The following MYEF2 variants were observed in gnomAD, a reference collection of about 807,000 sequenced individuals.
The protein encoded by MYEF2 is myelin gene expression factor 2.
Under a neutral mutation model 75.2 loss-of-function variants are expected in MYEF2, and 37 were observed. The ratio of observed to expected loss-of-function variants is 0.49; its 90% CI spans 0.38 to 0.65. The LOEUF is 0.65. MYEF2 is among the 30% of genes least tolerant of loss of function. MYEF2 has a pLI of 0.00. For synonymous variants in MYEF2, 195 were observed against 241.6 expected, an observed-to-expected ratio of 0.81 and a Z score of 1.79; for missense variants, 634 against 771.4, an observed-to-expected ratio of 0.82 and a Z score of 2.11.
At chr15:48,151,005 G>A (rs951230897) in intron 14 of MYEF2, 95 bp downstream of exon 14, 5 of 737,342 alleles carry the variant, frequency 6.8e-6, no homozygotes, top group African/African-American at 5.5e-5. Context: ...TAACGTATAA[G>A]AACAAAGTAT....
Position 48,136,686 on chromosome 15 carries a change from T to A in MYEF2, c.*6222A>T, listed in dbSNP as rs199825911. 1.3e-5 allele frequency: 21 copies of A among 1,600,134 alleles called. No individual in the cohort carries two copies. Among genetic ancestry groups the A allele is most frequent in the Non-Finnish European group, 1.5e-5 (18 of 1,172,686 alleles). On this transcript the variant is annotated 3_prime_UTR_variant, in exon 17 of 17. Coordinates refer to ENST00000324324, the MANE Select transcript of MYEF2 (RefSeq NM_016132.5). The stretch of plus-strand genomic sequence containing the variant: ...AACACAAATTTCTCTTTTGTAGGTA[T>A]GAAGGGGCTTTACTGCTTTTGATAT...
intron 9 of MYEF2, 193 bp from the exon 10 acceptor site, chr15:48,154,086 T>G: frequency 2.0e-6 from 1 of 492,718 alleles, no homozygotes; most frequent in Non-Finnish European, 3.6e-6. Flanking sequence ...CATTTATTAA[T>G]GAGAAGTGTT....
intron 12 of MYEF2, 109 bp from the exon 13 acceptor site, chr15:48,151,680 A>T: frequency 8.1e-7 from 1 of 1,231,590 alleles, no homozygotes; most frequent in Non-Finnish European, 1.2e-6. Context: ...CAAATATAAA[A>T]TAGTCTGTCA....
rs997121383 is a variant in MYEF2, at chr15:48,139,416, T to C, written c.*3492A>G. The C allele has an allele frequency of 3.0e-6, 1 of 331,192 alleles. No homozygotes were observed. The allele number at this position is 331,192 out of a possible 1,614,324, so 20.5% of individuals were successfully genotyped here. A position where few individuals can be genotyped will look rare whatever the true frequency, so the allele number is the denominator to read the frequency against. Reference sequence around the variant, plus strand: ...GCCTGGGGTACAATTCAAGAGATCTTATAAATGAAATCAAATTCATAGGAT... The same window carrying C: ...GCCTGGGGTACAATTCAAGAGATCTCATAAATGAAATCAAATTCATAGGAT... On this transcript the variant is annotated 3_prime_UTR_variant, in exon 17 of 17. Coordinates refer to ENST00000324324, the MANE Select transcript of MYEF2 (RefSeq NM_016132.5).
intron 5 of MYEF2, among the ~76,000 whole-genome samples, chr15:48,161,063 G>A (rs959324047): frequency 6.6e-6 from 1 of 152,012 alleles, no homozygotes; most frequent in Non-Finnish European, 1.5e-5. Context: ...TCGGTTGTTT[G>A]TGCTTATAAC....
rs952424323 is a variant in MYEF2 at position 48,135,193 on chromosome 15, C to CT, written c.*7714dup. 4 of 404,016 alleles carry CT rather than the reference C, an allele frequency of 9.9e-6. No individual in the cohort carries two copies. The highest frequency in any genetic ancestry group is 8.1e-5 in the African/African-American group (4 of 49,296). The allele number at this position is 404,016 out of a possible 1,614,324, so 25.0% of individuals were successfully genotyped here. A position where few individuals can be genotyped will look rare whatever the true frequency, so the allele number is the denominator to read the frequency against. On this transcript the variant is annotated 3_prime_UTR_variant, in exon 17 of 17. Transcript: ENST00000324324. ...TTCTTCTTAATCACTTCACAGTCTC[C>CT]TTTTTTCTCTCACTAGTCACTGGAG...
rs1157602528 is a variant in MYEF2, at chr15:48,140,733, A to T, written c.*2175T>A. ...AAGATAGCTATAATTAATTTGCTTA[A>T]CTCTGACTAATATTTTTAAGAAAGA... On this transcript the variant is annotated 3_prime_UTR_variant, in exon 17 of 17. Coordinates refer to ENST00000324324, the MANE Select transcript of MYEF2 (RefSeq NM_016132.5). The T allele has an allele frequency of 5.2e-6, 1 of 193,482 alleles. No homozygotes were observed. The highest frequency in any genetic ancestry group is 1.3e-4 in the East Asian group (1 of 7,724). The allele number at this position is 193,482 out of a possible 1,614,324, so 12.0% of individuals were successfully genotyped here.
intron 16 of MYEF2, among the ~76,000 whole-genome samples, chr15:48,146,179 C>T (rs1463563499): frequency 6.6e-6 from 1 of 151,900 alleles, no homozygotes; most frequent in African/African-American, 2.4e-5. Flanking sequence ...CATGGGAGCA[C>T]ATTTAAAAGA....
At chr15:48,146,185 A>G (rs2039276080) in intron 16 of MYEF2, among the ~76,000 whole-genome samples, 1 of 151,970 alleles carries the variant, frequency 6.6e-6, no homozygotes, top group Non-Finnish European at 1.5e-5. Context: ...AGCACATTTA[A>G]AAGACTATGC....
Position 48,138,912 on chromosome 15 carries a change from T to C in MYEF2, c.*3996A>G. On this transcript the variant is annotated 3_prime_UTR_variant, in exon 17 of 17. Coordinates refer to ENST00000324324, the MANE Select transcript of MYEF2 (RefSeq NM_016132.5). ...TCAATATAACTTTCTAAATAGGCAT[T>C]TCTAACTTAATTAGCCATTTGAGAA... 1 of 1,318,910 alleles carries C rather than the reference T, an allele frequency of 7.6e-7. No homozygotes were observed. Among genetic ancestry groups the C allele is most frequent in the Non-Finnish European group, 1.1e-6 (1 of 940,132 alleles). 81.7% of individuals were successfully genotyped at this position (1,318,910 alleles called of 1,614,324 possible).
intron 9 of MYEF2, among the ~76,000 whole-genome samples, chr15:48,155,087 C>A (rs987276991): frequency 2.2e-4 from 33 of 151,930 alleles, no homozygotes; most frequent in African/African-American, 7.7e-4. Context: ...TGAACCAATA[C>A]ATGTGAAGAA....
intron 5 of MYEF2, among the ~76,000 whole-genome samples, chr15:48,162,090 C>A (rs1309674501): frequency 6.6e-6 from 1 of 151,536 alleles, no homozygotes; most frequent in Non-Finnish European, 1.5e-5. Flanking sequence ...TAATAATAAA[C>A]CCCAGACTCA....
intron 1 of MYEF2, among the ~76,000 whole-genome samples, chr15:48,172,993 T>C (rs1319833797): frequency 1.3e-5 from 2 of 152,176 alleles, no homozygotes; most frequent in Non-Finnish European, 2.9e-5. Context: ...TTTCAAATCA[T>C]TTTATAAGGC....
intron 7 of MYEF2, 85 bp from the exon 8 acceptor site, chr15:48,158,309 C>T: frequency 7.8e-7 from 1 of 1,275,466 alleles, no homozygotes; most frequent in Non-Finnish European, 1.1e-6. Flanking sequence ...TCTTAGAGTC[C>T]AACTCTCTGA....
At chr15:48,167,591 C>T (rs1254780405) in intron 2 of MYEF2, among the ~76,000 whole-genome samples, 190 bp from the exon 3 acceptor site, 3 of 152,010 alleles carry the variant, frequency 2.0e-5, no homozygotes, top group African/African-American at 7.2e-5. Flanking sequence ...GTACATCATC[C>T]ACATTCTCTA....
chr15:48,172,817 T>C (rs1318785151), intron 1 of MYEF2, among the ~76,000 whole-genome samples: 2 of 152,094 alleles, frequency 1.3e-5, no homozygotes, highest in South Asian at 2.1e-4. Context: ...GGCTGAATCA[T>C]GAAAAATTAG....
intron 9 of MYEF2, among the ~76,000 whole-genome samples, chr15:48,155,476 C>A (rs992015582): frequency 1.3e-5 from 2 of 152,056 alleles, no homozygotes; most frequent in Non-Finnish European, 2.9e-5. Context: ...AACAGTGTTA[C>A]AGCAGAAAAA....
At chr15:48,166,067 A>G in intron 4 of MYEF2, 41 bp from the exon 5 acceptor site, 1 of 1,576,422 alleles carries the variant, frequency 6.3e-7, no homozygotes, top group East Asian at 2.2e-5. Flanking sequence ...TTATGTGCTA[A>G]TTTTTTTCCA....
At chr15:48,152,611 A>AT (rs893898661) in intron 10 of MYEF2, 701 of 243,024 alleles carry the variant, frequency 2.9e-3, no homozygotes, top group Middle Eastern at 7.6e-3. Flanking sequence ...ACTATCAATG[A>AT]TTTTTTTTTT....
Sources: allele counts gnomAD v4.1 joint callset (sites outside exome capture counted in the v4.1 genomes callset), GRCh38; gene constraint gnomAD v4.1.1; transcripts MANE v1.5; gene names NCBI Gene and HGNC (gene_info 2026-07-23, HGNC 2026-07-21).